Variants in GRM7 observed in about 807,000 individuals in gnomAD.
The protein encoded by GRM7 is metabotropic glutamate receptor 7.
GRM7 carries 35 observed loss-of-function variants against 84.5 expected under a neutral mutation model. The observed-to-expected ratio is 0.41, with a 90% CI of 0.32 to 0.55. GRM7 has a LOEUF of 0.55. GRM7 is among the 20% of genes least tolerant of loss of function. The pLI, the probability that GRM7 is intolerant of heterozygous loss-of-function variation, is 0.19. For synonymous variants in GRM7, 487 were observed against 455.1 expected (o/e 1.07, Z -0.89); for missense variants, 1,003 against 1,194.6 (o/e 0.84, Z 2.36).
chr3:6,861,821 G>T lies in GRM7; in HGVS notation c.433G>T (p.Val145Phe). 6.2e-7 allele frequency: 1 copy of T among 1,614,176 alleles called. No homozygotes were observed. Among genetic ancestry groups the T allele is most frequent in the Non-Finnish European group, 8.5e-7 (1 of 1,180,030 alleles). ...CACCAACGGCGAACCGCCGGTTTTC[G>T]TCAAGCCGGAGAAAGTAGTTGGAGT... ...RCTNGEPPVF[V>F]KPEKVVGVIG... Residue 145 changes from valine to phenylalanine, a missense_variant, in exon 1 of 10, where the codon GTC becomes TTC. This residue lies in a region of GRM7 where 910 missense variants were observed against 1,126.0 expected (regional missense o/e 0.81). Coordinates refer to ENST00000357716, the MANE Select transcript of GRM7 (RefSeq NM_000844.4). The surrounding 1 kb of genome is among the most constrained non-coding windows in gnomAD (Gnocchi z 6.4).
chr3:7,554,460 A>G (rs1693661031), intron 7 of GRM7, among the ~76,000 whole-genome samples: 1 of 152,220 alleles, frequency 6.6e-6, no homozygotes, highest in Admixed American at 6.5e-5. Context: ...AGTTGAGCAA[A>G]TGTGACAACA....
chr3:7,590,114 T>A (rs1695709074), intron 8 of GRM7, among the ~76,000 whole-genome samples: 1 of 152,228 alleles, frequency 6.6e-6, no homozygotes, highest in South Asian at 2.1e-4. Flanking sequence ...TTGTTCAGAA[T>A]GTCCCCCTGT....
intron 7 of GRM7, among the ~76,000 whole-genome samples, chr3:7,462,580 T>G (rs1559339870): frequency 6.6e-6 from 1 of 152,220 alleles, no homozygotes; most frequent in Non-Finnish European, 1.5e-5. Context: ...GGAGGCACTT[T>G]TGGAATTATT....
chr3:7,537,717 T>G (rs1692631093), intron 7 of GRM7, among the ~76,000 whole-genome samples: 2 of 152,196 alleles, frequency 1.3e-5, no homozygotes, highest in South Asian at 4.1e-4. Flanking sequence ...AAGCTTACTC[T>G]CCTTTGGAAC....
intron 2 of GRM7, among the ~76,000 whole-genome samples, chr3:7,231,100 A>G (rs1165849660): frequency 6.6e-6 from 1 of 152,092 alleles, no homozygotes; most frequent in Admixed American, 6.6e-5. Context: ...AGAGAAAGAG[A>G]AGAGGGCTCT....
chr3:7,543,208 C>T (rs929502026), intron 7 of GRM7, among the ~76,000 whole-genome samples: 3 of 152,120 alleles, frequency 2.0e-5, no homozygotes, highest in Non-Finnish European at 4.4e-5. Flanking sequence ...TAAATTTTAC[C>T]ACTTACTGTG....
At chr3:7,210,801 G>A (rs925458550) in intron 2 of GRM7, among the ~76,000 whole-genome samples, 1 of 145,692 alleles carries the variant, frequency 6.9e-6, no homozygotes, top group East Asian at 2.0e-4. Context: ...GCTGTGTATT[G>A]TTTTTTTTTT....
At chr3:7,313,504 A>C (rs916233639) in intron 4 of GRM7, among the ~76,000 whole-genome samples, 2 of 152,180 alleles carry the variant, frequency 1.3e-5, no homozygotes, top group African/African-American at 4.8e-5. Flanking sequence ...ATTCTTAATA[A>C]AATACCTTTC....
At chr3:7,467,133 G>T (rs923519124) in intron 7 of GRM7, among the ~76,000 whole-genome samples, 3 of 152,134 alleles carry the variant, frequency 2.0e-5, no homozygotes, top group South Asian at 2.1e-4. Flanking sequence ...TGTCGCCCGG[G>T]CTGGAGTGCA....
chr3:6,995,821 C>G (rs1243941444), intron 1 of GRM7, among the ~76,000 whole-genome samples: 1 of 152,028 alleles, frequency 6.6e-6, no homozygotes, highest in Non-Finnish European at 1.5e-5. Flanking sequence ...AGCAAGGGAC[C>G]ATGGGAAGAA....
At chr3:7,025,682 C>G (rs953732771) in intron 1 of GRM7, among the ~76,000 whole-genome samples, 4 of 152,152 alleles carry the variant, frequency 2.6e-5, no homozygotes, top group Non-Finnish European at 5.9e-5. Context: ...CGTTGATAGC[C>G]TTCTGACACG....
At chr3:7,497,777 G>C (rs533188130) in intron 7 of GRM7, among the ~76,000 whole-genome samples, 1 of 152,216 alleles carries the variant, frequency 6.6e-6, no homozygotes, top group South Asian at 2.1e-4. Context: ...CCATTTATTA[G>C]CTCTGTAGCC....
chr3:7,164,138 C>A (rs548784892), intron 2 of GRM7, among the ~76,000 whole-genome samples: 148 of 152,282 alleles, frequency 9.7e-4, no homozygotes, highest in Non-Finnish European at 1.5e-3. Context: ...GTGGGCAGAA[C>A]ACTTGAGGCC....
In GRM7 at chr3:7,478,012, G is replaced by A. The variant is rs182334225; in HGVS notation, c.1515+16290G>A. ...CAATAAGATAACTTTATCAATGTGAGTGGATTTTTTTGAATTTCTACCAGA... is the reference window on the plus strand; with the variant it reads ...CAATAAGATAACTTTATCAATGTGAATGGATTTTTTTGAATTTCTACCAGA... On this transcript the variant is annotated intron_variant, in intron 7 of 9. Coordinates refer to ENST00000357716, the MANE Select transcript of GRM7 (RefSeq NM_000844.4). 3.5e-3 allele frequency among the ~76,000 whole-genome samples: 533 copies of A among 152,200 alleles called. 2 individuals carry two copies. The highest frequency in any genetic ancestry group is 0.012 in the African/African-American group (517 of 41,540).
intron 2 of GRM7, among the ~76,000 whole-genome samples, chr3:7,219,737 A>G (rs1214336719): frequency 6.6e-6 from 1 of 152,208 alleles, no homozygotes; most frequent in Non-Finnish European, 1.5e-5. Context: ...ATACATCAGT[A>G]GCAGCAAGCA....
At chr3:7,231,014 A>G (rs1166063093) in intron 2 of GRM7, among the ~76,000 whole-genome samples, 3 of 152,134 alleles carry the variant, frequency 2.0e-5, no homozygotes, top group African/African-American at 7.2e-5. Flanking sequence ...CCTGCCCAAT[A>G]GGGTTACATT....
At chr3:7,338,448 C>A (rs183916688) in intron 4 of GRM7, among the ~76,000 whole-genome samples, 2 of 152,040 alleles carry the variant, frequency 1.3e-5, no homozygotes, top group Admixed American at 1.3e-4. Context: ...CACTAAAGAA[C>A]TTATTCATGT....
At chr3:7,172,269 T>C (rs1574989066) in intron 2 of GRM7, among the ~76,000 whole-genome samples, 1 of 152,278 alleles carries the variant, frequency 6.6e-6, no homozygotes, top group East Asian at 1.9e-4. Context: ...CAAAGTGATG[T>C]GGTAGACACT....
intron 6 of GRM7, among the ~76,000 whole-genome samples, chr3:7,460,648 A>G (rs1388383299): frequency 6.6e-6 from 1 of 152,174 alleles, no homozygotes; most frequent in Non-Finnish European, 1.5e-5. Flanking sequence ...TTTTTCCTAG[A>G]TCCAGAGGAT....
Sources: allele counts gnomAD v4.1 joint callset (sites outside exome capture counted in the v4.1 genomes callset), GRCh38; gene constraint gnomAD v4.1.1; regional missense constraint gnomAD v4.1.1; non-coding constraint Gnocchi (gnomAD v3.1); transcripts MANE v1.5; gene names NCBI Gene and HGNC (gene_info 2026-07-23, HGNC 2026-07-21).